Variants in ARHGAP15 observed in about 807,000 individuals in gnomAD.
ARHGAP15 encodes rho GTPase-activating protein 15.
A neutral mutation model predicts 63.7 loss-of-function variants in ARHGAP15; 51 were observed. The ratio of observed to expected loss-of-function variants is 0.80; its 90% CI spans 0.64 to 1.01. The LOEUF (loss-of-function observed/expected upper bound fraction) is 1.01. Ranked by LOEUF, ARHGAP15 falls within the 50% of genes least tolerant of loss-of-function variation. The pLI, the probability that ARHGAP15 is intolerant of heterozygous loss-of-function variation, is 0.00. For synonymous variants in ARHGAP15, 191 were observed against 193.8 expected (o/e 0.99, Z 0.12); for missense variants, 560 against 564.6 (o/e 0.99, Z 0.08).
intron 5 of ARHGAP15, chr2:143,236,110 AC>A: frequency 9.5e-7 from 1 of 1,052,490 alleles, no homozygotes; most frequent in Non-Finnish European, 1.3e-6. Context: ...AACAACTCCT[AC>A]CAGGTGTCAT....
rs147891307 is a variant in ARHGAP15, at chr2:143,413,971, G to GCGCGCGCGCGCGCGCGCGCA, written c.475-21629_475-21628insGCGCGCGCGCGCGCGCGCAC. Among the ~76,000 whole-genome samples, 24 of 147,730 alleles carry GCGCGCGCGCGCGCGCGCGCA rather than the reference G, an allele frequency of 1.6e-4. No homozygotes were observed. In the South Asian group the frequency reaches 3.3e-3, roughly 20 times the overall value. ...TGTGTGTGTGTGTGTGTGTGTGCGC[G>GCGCGCGCGCGCGCGCGCGCA]CTCTCTGGCAGAAAGTTAATCTGAA... On this transcript the variant is annotated intron_variant, in intron 6 of 13. Transcript: ENST00000295095.
At chr2:143,353,097 T>C (rs1301707031) in intron 6 of ARHGAP15, among the ~76,000 whole-genome samples, 1 of 152,064 alleles carries the variant, frequency 6.6e-6, no homozygotes, top group African/African-American at 2.4e-5. Flanking sequence ...AGATGTGTAA[T>C]ACATTTTAAA....
intron 12 of ARHGAP15, among the ~76,000 whole-genome samples, chr2:143,685,181 G>A (rs529812758): frequency 1.3e-5 from 2 of 151,610 alleles, no homozygotes; most frequent in African/African-American, 4.8e-5. Context: ...AGGGGGGTGG[G>A]CTTGTAGGGT....
intron 5 of ARHGAP15, among the ~76,000 whole-genome samples, chr2:143,232,666 T>G (rs1388251958): frequency 6.6e-6 from 1 of 152,192 alleles, no homozygotes; most frequent in Non-Finnish European, 1.5e-5. Flanking sequence ...CCCTATCAGT[T>G]GTCCCTTTGT....
intron 13 of ARHGAP15, among the ~76,000 whole-genome samples, chr2:143,712,219 G>A (rs984348991): frequency 2.0e-5 from 3 of 152,162 alleles, no homozygotes; most frequent in African/African-American, 7.2e-5. Context: ...AAGTACATGC[G>A]AGAGGTTAGG....
chr2:143,289,203 G>A (rs1311378265), intron 6 of ARHGAP15, among the ~76,000 whole-genome samples: 1 of 142,602 alleles, frequency 7.0e-6, no homozygotes, highest in East Asian at 2.2e-4. Context: ...AAAGACAGTA[G>A]TAGTAAGTTA....
At chr2:143,615,357 A>C (rs1698414945) in intron 11 of ARHGAP15, among the ~76,000 whole-genome samples, 1 of 152,172 alleles carries the variant, frequency 6.6e-6, no homozygotes, top group South Asian at 2.1e-4. Flanking sequence ...CAAAAACCCA[A>C]ATCCATATCC....
intron 8 of ARHGAP15, among the ~76,000 whole-genome samples, chr2:143,460,252 A>G (rs921822351): frequency 1.3e-5 from 2 of 152,174 alleles, no homozygotes; most frequent in Non-Finnish European, 1.5e-5. Flanking sequence ...AGTGTGTACT[A>G]TGTTTTGCCC....
intron 10 of ARHGAP15, among the ~76,000 whole-genome samples, chr2:143,540,393 T>A (rs1694991139): frequency 6.6e-6 from 1 of 152,206 alleles, no homozygotes; most frequent in South Asian, 2.1e-4. Context: ...AGGTTAGTAT[T>A]GTTATGTGTG....
intron 12 of ARHGAP15, among the ~76,000 whole-genome samples, chr2:143,662,372 AAACT>A (rs1345126719): frequency 6.8e-6 from 1 of 146,546 alleles, no homozygotes; most frequent in African/African-American, 2.5e-5. Context: ...GTTAGAAGGA[AAACT>A]AACAAACAGA....
intron 6 of ARHGAP15, among the ~76,000 whole-genome samples, chr2:143,360,362 G>C (rs1402779753): frequency 6.6e-6 from 1 of 152,222 alleles, no homozygotes; most frequent in African/African-American, 2.4e-5. Flanking sequence ...TCGCGCCTGG[G>C]TGGTGGAGAA....
At chr2:143,729,267 A>G (rs1475177343) in intron 13 of ARHGAP15, among the ~76,000 whole-genome samples, 2 of 152,246 alleles carry the variant, frequency 1.3e-5, no homozygotes, top group Admixed American at 6.5e-5. Flanking sequence ...AAGGGCATCT[A>G]CAATAACACT....
chr2:143,680,021 T>TAAAAAAAAAA (rs55927433), intron 12 of ARHGAP15, among the ~76,000 whole-genome samples: 49 of 101,586 alleles, frequency 4.8e-4, no homozygotes, highest in African/African-American at 2.1e-3. Context: ...AGTAAATGAT[T>TAAAAAAAAAA]AAAAAAAAAA....
At chr2:143,454,803 C>T (rs762853799) in intron 8 of ARHGAP15, among the ~76,000 whole-genome samples, 2 of 152,022 alleles carry the variant, frequency 1.3e-5, no homozygotes, top group African/African-American at 4.8e-5. Context: ...AATGGGAATG[C>T]TTATTTAGGG....
chr2:143,627,334 A>G (rs1161736975), intron 12 of ARHGAP15, among the ~76,000 whole-genome samples: 1 of 152,212 alleles, frequency 6.6e-6, no homozygotes, highest in African/African-American at 2.4e-5. Context: ...ACAGAGACGT[A>G]CATTTACTAA....
At chr2:143,731,699 A>G (rs944562551) in intron 13 of ARHGAP15, among the ~76,000 whole-genome samples, 1 of 152,218 alleles carries the variant, frequency 6.6e-6, no homozygotes, top group South Asian at 2.1e-4. Flanking sequence ...TGATGCTTGC[A>G]TATAGCATAG....
chr2:143,731,076 G>T (rs1207631828), intron 13 of ARHGAP15, among the ~76,000 whole-genome samples: 1 of 151,920 alleles, frequency 6.6e-6, no homozygotes, highest in African/African-American at 2.4e-5. Flanking sequence ...GAGGGAAATG[G>T]TCTATTGGTT....
chr2:143,473,708 A>G (rs1232554599), intron 8 of ARHGAP15, among the ~76,000 whole-genome samples: 2 of 152,178 alleles, frequency 1.3e-5, no homozygotes, highest in Non-Finnish European at 2.9e-5. Context: ...GTTTCCAGCC[A>G]TATTTTAGAA....
At chr2:143,442,805 G>A (rs186938237) in intron 8 of ARHGAP15, among the ~76,000 whole-genome samples, 27 of 151,830 alleles carry the variant, frequency 1.8e-4, no homozygotes, top group African/African-American at 5.6e-4. Context: ...TGAAGTAAAC[G>A]CACATACCCA....
Sources: gnomAD v4.1 joint callset for allele counts (sites outside exome capture counted in the v4.1 genomes callset) on GRCh38, gnomAD v4.1.1 for gene constraint, MANE v1.5 for transcripts, NCBI Gene and HGNC (gene_info 2026-07-23, HGNC 2026-07-21) for gene names.